Variants in SERGEF observed in about 807,000 individuals in gnomAD.
SERGEF encodes the protein secretion regulating guanine nucleotide exchange factor, also known as secretion-regulating guanine nucleotide exchange factor.
Under a neutral mutation model 50.0 loss-of-function variants are expected in SERGEF, and 51 were observed. That is an observed-to-expected ratio of 1.02 (90% CI 0.81 to 1.29). The LOEUF (loss-of-function observed/expected upper bound fraction) is 1.29. Ranked by LOEUF, SERGEF falls within the 50% of genes most tolerant of loss-of-function variation. The probability of loss-of-function intolerance (pLI) is 0.00; values close to 1 mark genes in which losing one functional copy is unlikely to be tolerated. For missense variants in SERGEF, 521 were observed against 557.0 expected (o/e 0.94, Z 0.65); for synonymous variants, 205 against 212.4 (o/e 0.97, Z 0.30).
At chr11:17,817,747 G>A (rs1369736888) in intron 10 of SERGEF, among the ~76,000 whole-genome samples, 1 of 152,216 alleles carries the variant, frequency 6.6e-6, no homozygotes, top group East Asian at 1.9e-4. Context: ...TTTGGTTGAG[G>A]AAACTGAGGT....
intron 10 of SERGEF, among the ~76,000 whole-genome samples, chr11:17,830,649 G>A (rs11024413): frequency 0.43 from 33,226 of 77,430 alleles, 8,299 homozygotes; most frequent in East Asian, 0.72. Flanking sequence ...GGAGAGGGAG[G>A]GAGAGAGAGA....
At chr11:18,006,118 T>C (rs1238430725) in intron 3 of SERGEF, among the ~76,000 whole-genome samples, 1 of 152,198 alleles carries the variant, frequency 6.6e-6, no homozygotes, top group Non-Finnish European at 1.5e-5. Context: ...AGTCCACAAC[T>C]TTCCTTGACA....
At chr11:18,000,645 TC>T (rs1472767003) in intron 4 of SERGEF, 88 bp from the exon 5 acceptor site, 1 of 944,940 alleles carries the variant, frequency 1.1e-6, no homozygotes, top group Non-Finnish European at 1.7e-6. Flanking sequence ...TGCAGTACGG[TC>T]CTCATTATGG....
intron 10 of SERGEF, among the ~76,000 whole-genome samples, chr11:17,876,843 T>C (rs148077473): frequency 6.6e-4 from 101 of 152,368 alleles, no homozygotes; most frequent in Non-Finnish European, 1.1e-3. Context: ...CTCTTTTGAT[T>C]AGCTTGTCTT....
chr11:17,864,203 A>G (rs1362904565), intron 10 of SERGEF, among the ~76,000 whole-genome samples: 2 of 152,240 alleles, frequency 1.3e-5, no homozygotes, highest in African/African-American at 4.8e-5. Flanking sequence ...TGCAGTTTCT[A>G]CTACTGTAAG....
At chr11:17,998,336 G>C (rs561980839) in intron 5 of SERGEF, among the ~76,000 whole-genome samples, 40 of 151,278 alleles carry the variant, frequency 2.6e-4, no homozygotes, top group African/African-American at 9.2e-4. Context: ...AGGATCGCTT[G>C]AGCCCAGAAG....
intron 10 of SERGEF, among the ~76,000 whole-genome samples, chr11:17,801,876 C>G (rs1047996927): frequency 2.6e-5 from 4 of 152,140 alleles, no homozygotes; most frequent in Admixed American, 6.5e-5. Context: ...ATTATAGCTC[C>G]TGTTTTTGTT....
At chr11:17,946,594 A>G (rs573280168) in intron 9 of SERGEF, among the ~76,000 whole-genome samples, 1 of 152,316 alleles carries the variant, frequency 6.6e-6, no homozygotes, top group South Asian at 2.1e-4. Context: ...GAGCAGAATG[A>G]TAAATGCATT....
At chr11:17,966,684 T>C (rs150879785) in intron 8 of SERGEF, among the ~76,000 whole-genome samples, 26 of 152,334 alleles carry the variant, frequency 1.7e-4, no homozygotes, top group East Asian at 9.6e-4. Context: ...TTTAGTAAAA[T>C]GTCACAAGTT....
chr11:18,008,988 T>G (rs1376687363), intron 1 of SERGEF, among the ~76,000 whole-genome samples: 1 of 152,160 alleles, frequency 6.6e-6, no homozygotes, highest in African/African-American at 2.4e-5. Context: ...TGTCTCCCCT[T>G]GTCCTTGAGT....
chr11:17,939,970 C>T (rs1194664935), intron 9 of SERGEF, among the ~76,000 whole-genome samples: 1 of 152,170 alleles, frequency 6.6e-6, no homozygotes, highest in African/African-American at 2.4e-5. Context: ...TCAGAAGGAA[C>T]AGTTAGTTAC....
intron 9 of SERGEF, among the ~76,000 whole-genome samples, chr11:17,885,601 G>A (rs765249550): frequency 6.6e-6 from 1 of 151,888 alleles, no homozygotes; most frequent in Non-Finnish European, 1.5e-5. Context: ...TGGGATAACA[G>A]GCATGACCCA....
intron 8 of SERGEF, among the ~76,000 whole-genome samples, chr11:17,966,528 G>A (rs1299149369): frequency 6.6e-6 from 1 of 152,048 alleles, no homozygotes; most frequent in Non-Finnish European, 1.5e-5. Flanking sequence ...TAAAATGACT[G>A]GTATACAATT....
intron 10 of SERGEF, among the ~76,000 whole-genome samples, chr11:17,794,344 G>A (rs971164330): frequency 8.5e-5 from 13 of 152,186 alleles, no homozygotes; most frequent in Non-Finnish European, 1.0e-4. Context: ...CTCTGACCAT[G>A]AGCATGAGGG....
rs537942930 is a variant in SERGEF at position 17,948,456 on chromosome 11, C to T, written c.1011+11014G>A. ...TATTTGTTGCTCCCTCGTGCAGACC[C>T]GATCGTCAAATGATATGCATGCTCC... On this transcript the variant is annotated intron_variant, in intron 9 of 10. Transcript: ENST00000265965. Among the ~76,000 whole-genome samples, 6 of 152,162 alleles carry T rather than the reference C, an allele frequency of 3.9e-5. No homozygotes were observed. In the East Asian group the frequency reaches 7.7e-4, roughly 20 times the overall value.
chr11:17,963,840 AC>A (rs1282219015), intron 8 of SERGEF, among the ~76,000 whole-genome samples: 13 of 152,214 alleles, frequency 8.5e-5, no homozygotes, highest in Admixed American at 6.5e-4. Context: ...AGGCACTTTT[AC>A]CATCCCCATG....
At chr11:17,939,922 G>T (rs548514928) in intron 9 of SERGEF, among the ~76,000 whole-genome samples, 1 of 152,282 alleles carries the variant, frequency 6.6e-6, no homozygotes, top group African/African-American at 2.4e-5. Flanking sequence ...GGACATGCAA[G>T]CAAGAATGTC....
chr11:18,000,268 C>A (rs1042929069), intron 5 of SERGEF, among the ~76,000 whole-genome samples: 1 of 151,738 alleles, frequency 6.6e-6, no homozygotes, highest in Non-Finnish European at 1.5e-5. Context: ...GGCAACATAG[C>A]GAGACCCTGT....
At chr11:18,000,597 C>T in intron 4 of SERGEF, 40 bp from the exon 5 acceptor site, 2 of 1,416,544 alleles carry the variant, frequency 1.4e-6, no homozygotes, top group Non-Finnish European at 2.0e-6. Flanking sequence ...TCAGAACCAT[C>T]CATCTACAAA....
Sources: allele counts gnomAD v4.1 joint callset (sites outside exome capture counted in the v4.1 genomes callset), GRCh38; gene constraint gnomAD v4.1.1; transcripts MANE v1.5; gene names NCBI Gene and HGNC (gene_info 2026-07-23, HGNC 2026-07-21).